SYTL3: variants seen among roughly 807,000 people sequenced by gnomAD.
SYTL3 encodes synaptotagmin like 3.
In SYTL3, 88 loss-of-function variants were observed where a neutral mutation model predicts 82.1. The observed-to-expected ratio is 1.07, with a 90% CI of 0.90 to 1.28. The LOEUF is 1.28. Among genes scored for constraint, SYTL3 ranks in the 50% most tolerant of loss-of-function variants. SYTL3 has a pLI of 0.00. For synonymous variants in SYTL3, 311 were observed against 289.4 expected, an observed-to-expected ratio of 1.07 and a Z score of -0.76; for missense variants, 831 against 757.6, an observed-to-expected ratio of 1.10 and a Z score of -1.14.
chr6:158,736,307 C>T (rs901277345), intron 11 of SYTL3, among the ~76,000 whole-genome samples: 4 of 151,728 alleles, frequency 2.6e-5, no homozygotes, highest in African/African-American at 4.8e-5. Flanking sequence ...GCCAGGATCA[C>T]GCCACTGCAC....
At chr6:158,758,962 C>T (rs977149052) in intron 14 of SYTL3, among the ~76,000 whole-genome samples, 1 of 152,186 alleles carries the variant, frequency 6.6e-6, no homozygotes, top group Non-Finnish European at 1.5e-5. Context: ...GCCTTCCGTG[C>T]CTTCCTCTCA....
At chr6:158,719,494 A>G (rs1783820867) in intron 10 of SYTL3, among the ~76,000 whole-genome samples, 1 of 152,196 alleles carries the variant, frequency 6.6e-6, no homozygotes, top group Non-Finnish European at 1.5e-5. Context: ...GGATCTGGCG[A>G]AGTCTATGCT....
Position 158,731,625 on chromosome 6 carries a change from G to A in SYTL3, c.855+5988G>A, listed in dbSNP as rs137916223. 3.5e-4 allele frequency among the ~76,000 whole-genome samples: 53 copies of A among 152,048 alleles called. No homozygotes were observed. The East Asian group carries it at 8.9e-3, about 26-fold the overall frequency. On this transcript the variant is annotated intron_variant, in intron 11 of 17. Transcript: ENST00000611299. ...GTCGTTGTTGTTGAGATGGTGTCTC[G>A]CTCTGTCACCCAGGCTGGAGTGCAG... is the stretch of plus-strand genomic sequence containing the variant.
intron 2 of SYTL3, among the ~76,000 whole-genome samples, chr6:158,660,844 A>G (rs980569228): frequency 1.3e-5 from 2 of 152,134 alleles, no homozygotes; most frequent in Non-Finnish European, 2.9e-5. Context: ...AGACAGGAGG[A>G]CTGCTTGAGC....
intron 6 of SYTL3, among the ~76,000 whole-genome samples, chr6:158,688,904 T>C (rs927933118): frequency 6.6e-6 from 1 of 152,232 alleles, no homozygotes; most frequent in Non-Finnish European, 1.5e-5. Context: ...CAGGCTAATA[T>C]ATTTACATAA....
intron 6 of SYTL3, among the ~76,000 whole-genome samples, chr6:158,701,072 A>G (rs1309697129): frequency 6.6e-6 from 1 of 151,916 alleles, no homozygotes; most frequent in Non-Finnish European, 1.5e-5. Context: ...AGGCGTGCAC[A>G]GTAACCACAA....
intron 17 of SYTL3, among the ~76,000 whole-genome samples, chr6:158,764,279 G>A (rs1033000048): frequency 6.6e-6 from 1 of 152,202 alleles, no homozygotes; most frequent in Non-Finnish European, 1.5e-5. Context: ...CAGGCTGTTA[G>A]AGCCTCGCAG....
intron 7 of SYTL3, 125 bp downstream of exon 7, chr6:158,707,406 T>A: frequency 1.3e-6 from 1 of 748,052 alleles, no homozygotes; most frequent in Non-Finnish European, 2.1e-6. Context: ...CTCTTTTTTT[T>A]TTTTTTCTTT....
At chr6:158,677,184 A>G (rs1461242751) in intron 5 of SYTL3, among the ~76,000 whole-genome samples, 1 of 152,228 alleles carries the variant, frequency 6.6e-6, no homozygotes, top group Non-Finnish European at 1.5e-5. Flanking sequence ...AGACTGGATT[A>G]AGAAAATGTG....
At chr6:158,762,226 C>T in intron 16 of SYTL3, 48 bp downstream of exon 16, 3 of 1,351,660 alleles carry the variant, frequency 2.2e-6, no homozygotes, top group Non-Finnish European at 3.2e-6. Flanking sequence ...TAGTATACAT[C>T]ACAACATGGC....
chr6:158,665,519 G>A lies in SYTL3; in HGVS notation c.235G>A (p.Val79Met), dbSNP rs779048487. ...VLGFLLHRGA[V>M]CRGCSHRVCA... ...GGGGTTCCTGCTGCACCGGGGCGCCGTGTGCCGGGGCTGCAGCCACCGCGT... is the reference window on the plus strand; with the variant it reads ...GGGGTTCCTGCTGCACCGGGGCGCCATGTGCCGGGGCTGCAGCCACCGCGT... Residue 79 changes from valine to methionine, a missense_variant, in exon 5 of 18, where the codon GTG (valine) becomes ATG (methionine). Physicochemically the swap from Val to Met is conservative, Grantham distance 21. Transcript: ENST00000611299. The A allele has an allele frequency of 1.9e-5, 30 of 1,592,836 alleles. No individual in the cohort carries two copies. The highest frequency in any genetic ancestry group is 6.8e-5 in the East Asian group (3 of 44,144).
intron 6 of SYTL3, among the ~76,000 whole-genome samples, chr6:158,698,935 G>C (rs995556634): frequency 2.0e-5 from 3 of 152,174 alleles, no homozygotes; most frequent in Non-Finnish European, 4.4e-5. Context: ...TTCTTACACA[G>C]GATGTTATTC....
chr6:158,663,118 C>A lies in SYTL3; in HGVS notation c.-151C>A, dbSNP rs1016130597. On this transcript the variant is annotated 5_prime_UTR_variant, in exon 4 of 18. Transcript: ENST00000611299. ...GACACAGTTAAAAAGGAAAAAAGAA[C>A]CACAAGCAAAACAGTTGCCAGTGAA... 1.6e-6 allele frequency: 1 copy of A among 629,920 alleles called. No homozygotes were observed. The highest frequency in any genetic ancestry group is 2.8e-6 in the Non-Finnish European group (1 of 360,254). The allele number at this position is 629,920 out of a possible 1,614,324, so 39.0% of individuals were successfully genotyped here.
chr6:158,734,891 T>G (rs1785931822), intron 11 of SYTL3, among the ~76,000 whole-genome samples: 2 of 152,212 alleles, frequency 1.3e-5, no homozygotes. Flanking sequence ...CACAAAGATC[T>G]TGTTATGGAA....
chr6:158,692,959 G>GA (rs1225033655), intron 6 of SYTL3, among the ~76,000 whole-genome samples: 125 of 141,936 alleles, frequency 8.8e-4, no homozygotes, highest in African/African-American at 2.6e-3. Flanking sequence ...TCAAAAAAAA[G>GA]AAAAAAAAAA....
At chr6:158,704,393 G>A (rs1367020311) in intron 6 of SYTL3, among the ~76,000 whole-genome samples, 4 of 152,250 alleles carry the variant, frequency 2.6e-5, no homozygotes, top group Non-Finnish European at 5.9e-5. Context: ...AGAAAGCCAC[G>A]CGCACGCCCG....
chr6:158,699,086 C>T (rs972610033), intron 6 of SYTL3, among the ~76,000 whole-genome samples: 6 of 152,092 alleles, frequency 3.9e-5, no homozygotes, highest in South Asian at 4.1e-4. Flanking sequence ...TGGGGCCTTT[C>T]GGTGGAGGAG....
At position 158,694,380 on chromosome 6, in the gene SYTL3, C is replaced by A. The variant is rs540208597; in HGVS notation, c.394+11391C>A. Among the ~76,000 whole-genome samples the A allele has an allele frequency of 1.2e-3, 176 of 152,038 alleles. 1 individual carries two copies. Among genetic ancestry groups the A allele is most frequent in the African/African-American group, 4.1e-3 (171 of 41,464 alleles). ...GAGTGATATTGGCTCGCTGCAACCT[C>A]CGCCTCCTAGGATCAAGCAATCCTC... is the stretch of plus-strand genomic sequence containing the variant. On this transcript the variant is annotated intron_variant, in intron 6 of 17. Transcript: ENST00000611299.
At chr6:158,741,994 T>G (rs1354179188) in intron 11 of SYTL3, among the ~76,000 whole-genome samples, 2 of 152,246 alleles carry the variant, frequency 1.3e-5, no homozygotes, top group African/African-American at 4.8e-5. Context: ...TTTGCAAAAT[T>G]TCTTGAGCCC....
Sources: allele counts gnomAD v4.1 joint callset (sites outside exome capture counted in the v4.1 genomes callset), GRCh38; gene constraint gnomAD v4.1.1; transcripts MANE v1.5; gene names NCBI Gene and HGNC (gene_info 2026-07-23, HGNC 2026-07-21).